Variants in USH2A observed in about 807,000 individuals in gnomAD.
The protein encoded by USH2A is Usher syndrome 2A (autosomal recessive, mild).
USH2A carries 443 observed loss-of-function variants against 538.9 expected under a neutral mutation model. That is an observed-to-expected ratio of 0.82 (90% CI 0.76 to 0.89). USH2A has a LOEUF of 0.89. Ranked by LOEUF, USH2A falls within the 40% of genes least tolerant of loss-of-function variation. The pLI, the probability that USH2A is intolerant of heterozygous loss-of-function variation, is 0.00. For missense variants in USH2A, 6,633 were observed against 6,324.8 expected, an observed-to-expected ratio of 1.05 and a Z score of -1.65; for synonymous variants, 2,413 against 2,273.5, an observed-to-expected ratio of 1.06 and a Z score of -1.75.
chr1:216,171,944 T>G (rs770953783), intron 21 of USH2A, among the ~76,000 whole-genome samples: 3 of 152,044 alleles, frequency 2.0e-5, no homozygotes, highest in African/African-American at 4.8e-5. Context: ...GAAGATTAGA[T>G]TTTTTAAAAG....
intron 12 of USH2A, among the ~76,000 whole-genome samples, chr1:216,248,534 C>T (rs897733104): frequency 6.6e-6 from 1 of 151,682 alleles, no homozygotes; most frequent in East Asian, 1.9e-4. Context: ...GAAGGAAATA[C>T]ATAATATATA....
chr1:216,325,296 T>C lies in USH2A; in HGVS notation c.1143+9A>G, dbSNP rs1359383732. Reference sequence around the variant, plus strand: ...GGAAATTAATGTACACCTTATCGTTTCTCATTACCTGATACTGTCCATTTT... The same window carrying C: ...GGAAATTAATGTACACCTTATCGTTCCTCATTACCTGATACTGTCCATTTT... On this transcript the variant is annotated intron_variant, in intron 6 of 71. Coordinates refer to ENST00000307340, the MANE Select transcript of USH2A (RefSeq NM_206933.4). 5 of 1,613,264 alleles carry C rather than the reference T, an allele frequency of 3.1e-6. No homozygotes were observed. Among genetic ancestry groups the C allele is most frequent in the Non-Finnish European group, 4.2e-6 (5 of 1,179,706 alleles).
At chr1:216,292,890 A>C (rs1266568553) in intron 9 of USH2A, among the ~76,000 whole-genome samples, 1 of 152,200 alleles carries the variant, frequency 6.6e-6, no homozygotes, top group Non-Finnish European at 1.5e-5. Flanking sequence ...CCATTTATTT[A>C]GTACTCTGTA....
At chr1:215,697,682 C>A (rs1395154462) in intron 61 of USH2A, among the ~76,000 whole-genome samples, 1 of 152,040 alleles carries the variant, frequency 6.6e-6, no homozygotes, top group Non-Finnish European at 1.5e-5. Flanking sequence ...CCATTACACC[C>A]AGCTAATTTT....
At chr1:216,146,251 C>T (rs953730606) in intron 21 of USH2A, among the ~76,000 whole-genome samples, 6 of 152,194 alleles carry the variant, frequency 3.9e-5, no homozygotes, top group African/African-American at 9.7e-5. Context: ...ATCCCTCAAC[C>T]GCTTTCTCCT....
intron 12 of USH2A, among the ~76,000 whole-genome samples, chr1:216,249,418 T>C (rs2036114904): frequency 6.6e-6 from 1 of 152,168 alleles, no homozygotes; most frequent in African/African-American, 2.4e-5. Flanking sequence ...ATTATTTCAC[T>C]GTCTTTAAAG....
At chr1:216,123,978 C>A (rs2033191384) in intron 21 of USH2A, among the ~76,000 whole-genome samples, 1 of 152,062 alleles carries the variant, frequency 6.6e-6, no homozygotes, top group Non-Finnish European at 1.5e-5. Flanking sequence ...ATAAACCAGG[C>A]TTGACTATGT....
chr1:215,632,436 T>G (rs1656312799), intron 70 of USH2A, among the ~76,000 whole-genome samples: 6 of 152,188 alleles, frequency 3.9e-5, no homozygotes, highest in Non-Finnish European at 7.3e-5. Context: ...GGGAGTGTCT[T>G]CTGGTCACTA....
chr1:216,344,589 G>A (rs1256076524), intron 4 of USH2A, among the ~76,000 whole-genome samples: 2 of 151,970 alleles, frequency 1.3e-5, no homozygotes, highest in Non-Finnish European at 2.9e-5. Flanking sequence ...ACAACACGGA[G>A]GAGACTCCCC....
intron 21 of USH2A, among the ~76,000 whole-genome samples, chr1:216,127,024 C>T (rs777035248): frequency 7.2e-5 from 11 of 152,164 alleles, no homozygotes; most frequent in Non-Finnish European, 1.5e-4. Context: ...AAGCGCAAAG[C>T]TTTCGGATAC....
chr1:215,782,759 T>C lies in USH2A; in HGVS notation c.10564A>G (p.Arg3522Gly), dbSNP rs147374057. 256 of 1,613,766 alleles carry C rather than the reference T, an allele frequency of 1.6e-4. No homozygotes were observed. The highest frequency in any genetic ancestry group is 2.1e-4 in the Non-Finnish European group (244 of 1,179,874). The stretch of plus-strand genomic sequence containing the variant: ...ATACCATTTGATTGTATAGGTTTTC[T>C]CCAGTTTAAGACAATTGTATCTTCA... Reference protein sequence around the residue: ...NLEDTIVLNWRKPIQSNGPII... With the variant: ...NLEDTIVLNWGKPIQSNGPII... Residue 3522 changes from arginine to glycine, a missense_variant, in exon 53 of 72, where the codon AGA becomes GGA. Arg to Gly is a moderately radical substitution (Grantham distance 125). Coordinates refer to ENST00000307340, the MANE Select transcript of USH2A (RefSeq NM_206933.4).
chr1:216,210,437 C>T (rs2035214196), intron 15 of USH2A, among the ~76,000 whole-genome samples: 1 of 152,018 alleles, frequency 6.6e-6, no homozygotes, highest in African/African-American at 2.4e-5. Flanking sequence ...AGCAGCTGAC[C>T]AATCATGCCC....
intron 61 of USH2A, among the ~76,000 whole-genome samples, chr1:215,684,545 T>C (rs933777435): frequency 2.6e-5 from 4 of 152,220 alleles, no homozygotes; most frequent in Non-Finnish European, 4.4e-5. Context: ...CTTTGGGGTG[T>C]ATTTTCACTA....
chr1:215,955,304 GA>G (rs1391479964), intron 37 of USH2A, among the ~76,000 whole-genome samples: 44 of 152,050 alleles, frequency 2.9e-4, no homozygotes, highest in Admixed American at 2.9e-3. Context: ...CAATGGGAAG[GA>G]ATAAATATCC....
At chr1:216,420,413 A>G (rs945711196) in intron 2 of USH2A, among the ~76,000 whole-genome samples, 1 of 152,140 alleles carries the variant, frequency 6.6e-6, no homozygotes. Flanking sequence ...CTGAATAAAC[A>G]ATAATTGGAT....
chr1:216,176,004 C>T (rs1572021871), intron 20 of USH2A, among the ~76,000 whole-genome samples: 1 of 152,164 alleles, frequency 6.6e-6, no homozygotes, highest in East Asian at 1.9e-4. Context: ...GAGCCCCTTG[C>T]CTTAAAGAGG....
At chr1:216,258,076 A>G (rs1296466937) in intron 11 of USH2A, among the ~76,000 whole-genome samples, 3 of 151,984 alleles carry the variant, frequency 2.0e-5, no homozygotes, top group Admixed American at 2.0e-4. Context: ...GCTTCTTTAC[A>G]TGCCTGATAA....
At chr1:215,979,915 T>C (rs139542087) in intron 35 of USH2A, among the ~76,000 whole-genome samples, 134 of 152,250 alleles carry the variant, frequency 8.8e-4, no homozygotes, top group African/African-American at 3.0e-3. Flanking sequence ...GAAGAAACCA[T>C]GTCTTGTGAT....
At chr1:216,184,713 G>T (rs958006953) in intron 20 of USH2A, among the ~76,000 whole-genome samples, 1 of 151,874 alleles carries the variant, frequency 6.6e-6, no homozygotes. Flanking sequence ...CAAGATTGTT[G>T]TAATTAAAAT....
Sources: gnomAD v4.1 joint callset for allele counts (sites outside exome capture counted in the v4.1 genomes callset) on GRCh38, gnomAD v4.1.1 for gene constraint, MANE v1.5 for transcripts, NCBI Gene and HGNC (gene_info 2026-07-23, HGNC 2026-07-21) for gene names.